The following VWA8 variants were observed in gnomAD, a reference collection of about 807,000 sequenced individuals.
The protein encoded by VWA8 is von Willebrand factor A domain containing 8.
A neutral mutation model predicts 241.5 loss-of-function variants in VWA8; 221 were observed. The observed-to-expected ratio is 0.91, with a 90% CI of 0.82 to 1.02. The LOEUF (loss-of-function observed/expected upper bound fraction) is 1.02. Among genes scored for constraint, VWA8 ranks in the 50% least tolerant of loss-of-function variants. VWA8 has a pLI of 0.00. For missense variants in VWA8, 2,322 were observed against 2,328.7 expected (o/e 1.00, Z 0.06); for synonymous variants, 852 against 827.1 (o/e 1.03, Z -0.52).
intron 2 of VWA8, among the ~76,000 whole-genome samples, chr13:41,949,031 T>TAAAAAAAAAAAAAAAAAAAAAAAAAACA (rs35506856): frequency 1.6e-5 from 1 of 63,390 alleles, no homozygotes; most frequent in Admixed American, 2.1e-4. Context: ...TCTACCATCA[T>TAAAAAAAAAAAAAAAAAAAAAAAAAACA]AAAAAAAAAA....
intron 14 of VWA8, among the ~76,000 whole-genome samples, chr13:41,823,921 G>A (rs1439523298): frequency 6.6e-6 from 1 of 152,194 alleles, no homozygotes; most frequent in African/African-American, 2.4e-5. Flanking sequence ...GCTAGAAGCT[G>A]TTAATTATGA....
chr13:41,642,191 C>T (rs2044799968), intron 37 of VWA8, among the ~76,000 whole-genome samples: 1 of 152,156 alleles, frequency 6.6e-6, no homozygotes, highest in Admixed American at 6.5e-5. Context: ...CAGTGGGTTA[C>T]ACACATCTCA....
intron 5 of VWA8, among the ~76,000 whole-genome samples, chr13:41,887,704 G>A (rs867237030): frequency 2.0e-5 from 3 of 152,188 alleles, no homozygotes; most frequent in African/African-American, 7.2e-5. Context: ...GGTAGTCCCC[G>A]ACGGGCAGAT....
intron 24 of VWA8, 49 bp from the exon 25 acceptor site, chr13:41,721,624 ATGTC>A: frequency 6.5e-7 from 1 of 1,546,822 alleles, no homozygotes. Flanking sequence ...ATCCATTACG[ATGTC>A]ACAGGAAAAA....
chr13:41,890,374 T>C (rs1874776572), intron 5 of VWA8, among the ~76,000 whole-genome samples: 1 of 152,226 alleles, frequency 6.6e-6, no homozygotes, highest in South Asian at 2.1e-4. Flanking sequence ...TCCTAGAATG[T>C]ACAGGCAGAG....
At chr13:41,680,802 C>A (rs1439650111) in intron 35 of VWA8, among the ~76,000 whole-genome samples, 1 of 152,152 alleles carries the variant, frequency 6.6e-6, no homozygotes, top group Non-Finnish European at 1.5e-5. Flanking sequence ...CTATTCATAG[C>A]ACCATTATTT....
chr13:41,795,612 A>G (rs1010924139), intron 17 of VWA8, among the ~76,000 whole-genome samples: 3 of 152,252 alleles, frequency 2.0e-5, no homozygotes, highest in Non-Finnish European at 4.4e-5. Context: ...AATACTATGT[A>G]GCCATAAAGG....
intron 2 of VWA8, among the ~76,000 whole-genome samples, chr13:41,935,330 AC>A (rs1399602552): frequency 3.3e-5 from 5 of 152,098 alleles, no homozygotes; most frequent in Admixed American, 2.6e-4. Context: ...GACAATGACA[AC>A]CACAAACATA....
chr13:41,895,464 C>T (rs1381562812), intron 4 of VWA8, among the ~76,000 whole-genome samples: 2 of 152,150 alleles, frequency 1.3e-5, no homozygotes, highest in African/African-American at 4.8e-5. Flanking sequence ...AAACCAAACA[C>T]ACACAAAACA....
chr13:41,919,936 C>T (rs1379000001), intron 2 of VWA8, among the ~76,000 whole-genome samples: 1 of 152,126 alleles, frequency 6.6e-6, no homozygotes, highest in Non-Finnish European at 1.5e-5. Flanking sequence ...TGTGCCTCTG[C>T]CCTACAGGTC....
At chr13:41,823,694 T>C (rs923044929) in intron 14 of VWA8, among the ~76,000 whole-genome samples, 6 of 152,078 alleles carry the variant, frequency 3.9e-5, no homozygotes, top group Non-Finnish European at 5.9e-5. Flanking sequence ...CCTGGTGTCT[T>C]GTAATATGAG....
chr13:41,856,605 G>C (rs1471380724), intron 12 of VWA8, among the ~76,000 whole-genome samples: 1 of 152,118 alleles, frequency 6.6e-6, no homozygotes, highest in African/African-American at 2.4e-5. Flanking sequence ...AGGACTGCTT[G>C]AGCCCAGGAG....
intron 37 of VWA8, among the ~76,000 whole-genome samples, chr13:41,628,365 G>C (rs1014772641): frequency 6.6e-6 from 1 of 152,000 alleles, no homozygotes; most frequent in Non-Finnish European, 1.5e-5. Flanking sequence ...CCATTATTGG[G>C]TATATACCCA....
chr13:41,913,916 G>A (rs1479140029), intron 2 of VWA8, among the ~76,000 whole-genome samples: 2 of 152,176 alleles, frequency 1.3e-5, no homozygotes, highest in African/African-American at 4.8e-5. Context: ...CTGGAAGGGG[G>A]ACTTGAAAAA....
Position 41,675,198 on chromosome 13 carries a change from A to C in VWA8, c.4409+17T>G. The C allele has an allele frequency of 6.3e-7, 1 of 1,589,030 alleles. No individual in the cohort carries two copies. On this transcript the variant is annotated intron_variant, in intron 36 of 44. Transcript: ENST00000379310. ...TTTATGACATACTAAGCTAAGAACA[A>C]AGGTGAAATGGATTACCTGGGAATA...
In VWA8 at chr13:41,590,629, C is replaced by T. The variant is rs771347822; in HGVS notation, c.5112+11G>A. 1.2e-6 allele frequency: 2 copies of T among 1,613,584 alleles called. No individual in the cohort carries two copies. Among genetic ancestry groups the T allele is most frequent in the African/African-American group, 2.7e-5 (2 of 74,876 alleles). On this transcript the variant is annotated intron_variant, in intron 41 of 44. Transcript: ENST00000379310. ...ATGCAGAGCTGAGGCTAGCAGTTCACCATGACTTACTTGTGGCTCCAGCTC... is the reference window on the plus strand; with the variant it reads ...ATGCAGAGCTGAGGCTAGCAGTTCATCATGACTTACTTGTGGCTCCAGCTC...
At chr13:41,771,041 T>C (rs1415526491) in intron 20 of VWA8, among the ~76,000 whole-genome samples, 1 of 152,208 alleles carries the variant, frequency 6.6e-6, no homozygotes, top group Non-Finnish European at 1.5e-5. Context: ...TGAAATTTTG[T>C]CTAATATCAG....
At chr13:41,680,836 A>T (rs1489475967) in intron 35 of VWA8, among the ~76,000 whole-genome samples, 1 of 152,202 alleles carries the variant, frequency 6.6e-6, no homozygotes, top group Non-Finnish European at 1.5e-5. Context: ...CCTGGAAAGA[A>T]CCTAAATTTG....
intron 2 of VWA8, among the ~76,000 whole-genome samples, chr13:41,949,147 T>C (rs954255434): frequency 6.6e-5 from 10 of 150,464 alleles, no homozygotes; most frequent in Non-Finnish European, 8.8e-5. Flanking sequence ...TACAGGTTTA[T>C]AAAATTGTCA....
Sources: gnomAD v4.1 joint callset for allele counts (sites outside exome capture counted in the v4.1 genomes callset) on GRCh38, gnomAD v4.1.1 for gene constraint, MANE v1.5 for transcripts, NCBI Gene and HGNC (gene_info 2026-07-23, HGNC 2026-07-21) for gene names.